Variants in GLRB observed in about 807,000 individuals in gnomAD.
GLRB encodes the protein glycine receptor subunit beta.
GLRB carries 33 observed loss-of-function variants against 54.2 expected under a neutral mutation model. That is an observed-to-expected ratio of 0.61 (90% CI 0.46 to 0.81). The LOEUF (loss-of-function observed/expected upper bound fraction) is 0.81, where lower values mean the gene tolerates loss of function less well. Ranked by LOEUF, GLRB falls within the 40% of genes least tolerant of loss-of-function variation. The probability of loss-of-function intolerance (pLI) is 0.00; values close to 1 mark genes in which losing one functional copy is unlikely to be tolerated. For synonymous variants in GLRB, 209 were observed against 208.2 expected (o/e 1.00, Z -0.03); for missense variants, 572 against 584.6 (o/e 0.98, Z 0.22).
intron 2 of GLRB, among the ~76,000 whole-genome samples, chr4:157,094,347 A>G (rs190700368): frequency 2.6e-5 from 4 of 152,316 alleles, no homozygotes; most frequent in African/African-American, 9.6e-5. Context: ...TAACTCTGTA[A>G]GATTCATTCA....
chr4:157,083,924 A>G lies in GLRB; in HGVS notation c.122+5778A>G, dbSNP rs1734315451. Among the ~76,000 whole-genome samples, 3 of 152,198 alleles carry G rather than the reference A, an allele frequency of 2.0e-5. No individual in the cohort carries two copies. In the South Asian group the frequency reaches 6.2e-4, roughly 31 times the overall value. On this transcript the variant is annotated intron_variant, in intron 2 of 9. Transcript: ENST00000264428. Reference sequence around the variant, plus strand: ...GTCAAGCTACTATAATTTTCAAGAAATAATGATCAGGATAACAAATGAACA... The same window carrying G: ...GTCAAGCTACTATAATTTTCAAGAAGTAATGATCAGGATAACAAATGAACA...
intron 2 of GLRB, among the ~76,000 whole-genome samples, chr4:157,102,443 G>A (rs183415576): frequency 4.5e-4 from 68 of 152,164 alleles, no homozygotes; most frequent in African/African-American, 1.5e-3. Context: ...GGTATTTGTC[G>A]TTCTGTGATT....
intron 9 of GLRB, among the ~76,000 whole-genome samples, chr4:157,154,670 G>T (rs764992840): frequency 6.6e-6 from 1 of 151,894 alleles, no homozygotes; most frequent in Non-Finnish European, 1.5e-5. Context: ...CAGGTGATCC[G>T]CCCACATTGG....
intron 2 of GLRB, among the ~76,000 whole-genome samples, chr4:157,094,203 C>T (rs1210515404): frequency 6.6e-6 from 1 of 152,204 alleles, no homozygotes; most frequent in Non-Finnish European, 1.5e-5. Context: ...AAACATTAGA[C>T]ATCACTTTCT....
chr4:157,086,102 C>T (rs567639682), intron 2 of GLRB, among the ~76,000 whole-genome samples: 24 of 152,218 alleles, frequency 1.6e-4, no homozygotes, highest in African/African-American at 4.8e-5. Context: ...AAAGACTTCG[C>T]GTTACAGGTA....
At chr4:157,147,679 G>A (rs1052965089) in intron 8 of GLRB, among the ~76,000 whole-genome samples, 8 of 152,164 alleles carry the variant, frequency 5.3e-5, no homozygotes, top group African/African-American at 1.9e-4. Flanking sequence ...AAGTGCAGGA[G>A]CAGTGACCTT....
chr4:157,162,307 C>A (rs1737529943), intron 9 of GLRB, among the ~76,000 whole-genome samples: 1 of 152,016 alleles, frequency 6.6e-6, no homozygotes, highest in Non-Finnish European at 1.5e-5. Context: ...AAGTTTATTA[C>A]CACCAATCAT....
chr4:157,133,758 G>A (rs998463618), intron 4 of GLRB, among the ~76,000 whole-genome samples: 2 of 152,050 alleles, frequency 1.3e-5, no homozygotes, highest in Non-Finnish European at 2.9e-5. Flanking sequence ...ATGAAGGAAA[G>A]CTGCTTCTGC....
intron 2 of GLRB, among the ~76,000 whole-genome samples, chr4:157,100,250 C>T (rs1734966952): frequency 6.6e-6 from 1 of 152,074 alleles, no homozygotes; most frequent in Non-Finnish European, 1.5e-5. Flanking sequence ...CTTTATATTT[C>T]ACATTTAGAT....
chr4:157,103,630 T>C (rs1244584039), intron 2 of GLRB, among the ~76,000 whole-genome samples: 2 of 152,174 alleles, frequency 1.3e-5, no homozygotes, highest in Non-Finnish European at 2.9e-5. Context: ...GCTGATCCTT[T>C]TGGGTAGTAT....
rs760328944 is a variant in GLRB at position 157,077,982 on chromosome 4, G to C, written c.-29-14G>C. The C allele has an allele frequency of 6.5e-7, 1 of 1,548,230 alleles. No homozygotes were observed. The highest frequency in any genetic ancestry group is 8.9e-7 in the Non-Finnish European group (1 of 1,124,796). On this transcript the variant is annotated splice_polypyrimidine_tract_variant and intron_variant, in intron 1 of 9. Coordinates refer to ENST00000264428, the MANE Select transcript of GLRB (RefSeq NM_000824.5). ...TCTTCATAAATGTAAACATTTTCTT[G>C]TTCTCTCTTGTAGATCGATCTTCTG...
At chr4:157,166,425 T>C (rs958973026) in intron 9 of GLRB, among the ~76,000 whole-genome samples, 1 of 152,080 alleles carries the variant, frequency 6.6e-6, no homozygotes, top group Non-Finnish European at 1.5e-5. Flanking sequence ...TTCATGTATA[T>C]ATTTGATATG....
chr4:157,126,784 G>A (rs1188109390), intron 4 of GLRB, among the ~76,000 whole-genome samples: 1 of 151,822 alleles, frequency 6.6e-6, no homozygotes, highest in Admixed American at 6.6e-5. Context: ...AACTTATGTA[G>A]GGAAAACTGG....
chr4:157,166,483 A>G (rs182426275), intron 9 of GLRB, among the ~76,000 whole-genome samples: 1 of 152,082 alleles, frequency 6.6e-6, no homozygotes, highest in African/African-American at 2.4e-5. Context: ...TCTGTGATGA[A>G]TGGGGCAAGG....
At chr4:157,101,660 T>C (rs991338968) in intron 2 of GLRB, among the ~76,000 whole-genome samples, 3 of 152,104 alleles carry the variant, frequency 2.0e-5, no homozygotes, top group African/African-American at 7.2e-5. Context: ...TTCCTTCAAC[T>C]GCATCTTCTG....
At chr4:157,152,216 T>G (rs1183499872) in intron 8 of GLRB, among the ~76,000 whole-genome samples, 1 of 152,184 alleles carries the variant, frequency 6.6e-6, no homozygotes, top group Admixed American at 6.6e-5. Flanking sequence ...GAATATTTCC[T>G]GCTGTGTCTT....
chr4:157,106,302 G>A (rs1735221487), intron 2 of GLRB, among the ~76,000 whole-genome samples: 2 of 152,064 alleles, frequency 1.3e-5, no homozygotes, highest in African/African-American at 4.8e-5. Context: ...TTGACAAGTG[G>A]CTTTTAGCCT....
At chr4:157,148,046 A>G (rs1736882219) in intron 8 of GLRB, among the ~76,000 whole-genome samples, 1 of 152,216 alleles carries the variant, frequency 6.6e-6, no homozygotes, top group Non-Finnish European at 1.5e-5. Context: ...GGCAGAGTAT[A>G]TGGACACAAA....
At chr4:157,103,487 T>A (rs1392866207) in intron 2 of GLRB, among the ~76,000 whole-genome samples, 1 of 152,250 alleles carries the variant, frequency 6.6e-6, no homozygotes, top group Admixed American at 6.5e-5. Context: ...ATTTCTTAAC[T>A]CTTGCATTGT....
Sources: allele counts gnomAD v4.1 joint callset (sites outside exome capture counted in the v4.1 genomes callset), GRCh38; gene constraint gnomAD v4.1.1; transcripts MANE v1.5; gene names NCBI Gene and HGNC (gene_info 2026-07-23, HGNC 2026-07-21).